The following NDNF variants were observed in gnomAD, a reference collection of about 807,000 sequenced individuals.
The protein encoded by NDNF is neuron derived neurotrophic factor.
A neutral mutation model predicts 42.0 loss-of-function variants in NDNF; 16 were observed. That is an observed-to-expected ratio of 0.38 (90% CI 0.26 to 0.58). NDNF has a LOEUF of 0.58. NDNF is among the 20% of genes least tolerant of loss of function. The pLI, the probability that NDNF is intolerant of heterozygous loss-of-function variation, is 0.67. For missense variants in NDNF, 616 were observed against 666.2 expected (o/e 0.92, Z 0.83); for synonymous variants, 248 against 251.7 (o/e 0.99, Z 0.14).
chr4:121,046,538 T>C (rs1294598041), intron 1 of NDNF, among the ~76,000 whole-genome samples: 2 of 152,232 alleles, frequency 1.3e-5, no homozygotes, highest in Non-Finnish European at 1.5e-5. Context: ...GAGTTATTAG[T>C]TGATGTTTAG....
At chr4:121,055,079 C>T (rs1419932824) in intron 1 of NDNF, among the ~76,000 whole-genome samples, 1 of 152,060 alleles carries the variant, frequency 6.6e-6, no homozygotes, top group Non-Finnish European at 1.5e-5. Context: ...GGTGATCCTT[C>T]CGTCTTGGCC....
chr4:121,062,051 T>G (rs1322179818), intron 1 of NDNF, among the ~76,000 whole-genome samples: 1 of 152,240 alleles, frequency 6.6e-6, no homozygotes, highest in African/African-American at 2.4e-5. Context: ...TTGCAACATT[T>G]TATTCGGCAG....
Position 121,036,176 on chromosome 4 carries a change from T to C in NDNF, c.*88A>G. 9.4e-7 allele frequency: 1 copy of C among 1,065,138 alleles called. No individual in the cohort carries two copies. Among genetic ancestry groups the C allele is most frequent in the East Asian group, 2.4e-5 (1 of 42,204 alleles). The allele number at this position is 1,065,138 out of a possible 1,614,324, so 66.0% of individuals were successfully genotyped here. A position where few individuals can be genotyped will look rare whatever the true frequency, so the allele number is the denominator to read the frequency against. On this transcript the variant is annotated 3_prime_UTR_variant, in exon 4 of 4. Transcript: ENST00000379692. ...TAGTACAAGTACAGGTCACAACTTCTCTCAACTGTGGGAGTAGTCAGTTTA... is the reference window on the plus strand; with the variant it reads ...TAGTACAAGTACAGGTCACAACTTCCCTCAACTGTGGGAGTAGTCAGTTTA...
At chr4:121,045,219 G>A (rs1485941936) in intron 2 of NDNF, among the ~76,000 whole-genome samples, 2 of 152,098 alleles carry the variant, frequency 1.3e-5, no homozygotes, top group African/African-American at 4.8e-5. Context: ...AGGCGTGGTG[G>A]AGGACGCCTG....
rs74933821 is a variant in NDNF, at chr4:121,062,517, C to T, written c.-2+9476G>A. On this transcript the variant is annotated intron_variant, in intron 1 of 3. Transcript: ENST00000379692. ...AAAAGGCAAACAACACAGACAGATCCCACAGTCATTTTCAATAGTTTATAG... is the reference window on the plus strand; with the variant it reads ...AAAAGGCAAACAACACAGACAGATCTCACAGTCATTTTCAATAGTTTATAG... 2.0e-3 allele frequency among the ~76,000 whole-genome samples: 308 copies of T among 152,130 alleles called. 2 individuals carry two copies. The highest frequency in any genetic ancestry group is 7.1e-3 in the African/African-American group (294 of 41,484).
Position 121,036,543 on chromosome 4 carries a change from G to C in NDNF, c.1428C>G (p.Asn476Lys). Residue 476 changes from asparagine (N) to lysine (K), a missense_variant, in exon 4 of 4, where the codon AAC becomes AAG. Transcript: ENST00000379692. The part of the protein sequence containing the change: ...TVAWLGTQER[N>K]KFCIYKKEVD... ...CTTCTTTTTTGTAGATGCAAAACTT[G>C]TTCCTTTCCTGAGTGCCTAGCCAAG... The C allele has an allele frequency of 6.2e-7, 1 of 1,614,114 alleles. No individual in the cohort carries two copies.
intron 1 of NDNF, among the ~76,000 whole-genome samples, chr4:121,052,427 A>G (rs1426410278): frequency 6.6e-6 from 1 of 152,264 alleles, no homozygotes; most frequent in East Asian, 1.9e-4. Flanking sequence ...GTGCATGATT[A>G]TAATTTGGCG....
At chr4:121,047,949 C>A (rs1268814267) in intron 1 of NDNF, among the ~76,000 whole-genome samples, 2 of 152,180 alleles carry the variant, frequency 1.3e-5, no homozygotes, top group African/African-American at 4.8e-5. Context: ...CTGGATGGAT[C>A]AAAATCAAGA....
chr4:121,039,868 G>A lies in NDNF; in HGVS notation c.313+62C>T, dbSNP rs1044297343. 14 of 1,555,970 alleles carry A rather than the reference G, an allele frequency of 9.0e-6. No homozygotes were observed. The African/African-American group carries it at 1.7e-4, about 18-fold the overall frequency. ...CTTACTAACACATAGAAGGTTGTAT[G>A]TTTCACAAGCATTAAAACCATCCAT... On this transcript the variant is annotated intron_variant, in intron 3 of 3. Coordinates refer to ENST00000379692, the MANE Select transcript of NDNF (RefSeq NM_024574.4).
intron 1 of NDNF, among the ~76,000 whole-genome samples, chr4:121,064,452 A>C (rs1224189345): frequency 6.6e-6 from 1 of 152,238 alleles, no homozygotes; most frequent in Non-Finnish European, 1.5e-5. Flanking sequence ...AAAACTTCAA[A>C]ATATAACACA....
chr4:121,046,299 T>C (rs1727091158), intron 1 of NDNF, among the ~76,000 whole-genome samples: 1 of 152,212 alleles, frequency 6.6e-6, no homozygotes, highest in African/African-American at 2.4e-5. Context: ...CTGATATGGT[T>C]GAACTATTAC....
At chr4:121,055,817 ACACACG>A (rs1393621816) in intron 1 of NDNF, among the ~76,000 whole-genome samples, 21 of 152,218 alleles carry the variant, frequency 1.4e-4, no homozygotes, top group African/African-American at 5.1e-4. Context: ...ATACACACAC[ACACACG>A]CACCCCAGAA....
At chr4:121,060,276 G>C (rs1171451971) in intron 1 of NDNF, among the ~76,000 whole-genome samples, 1 of 151,840 alleles carries the variant, frequency 6.6e-6, no homozygotes, top group African/African-American at 2.4e-5. Context: ...GACCTCCCAG[G>C]CTCCAGCAAT....
intron 1 of NDNF, among the ~76,000 whole-genome samples, chr4:121,067,125 A>G (rs1049355130): frequency 2.0e-5 from 3 of 152,358 alleles, no homozygotes; most frequent in East Asian, 3.9e-4. Context: ...TTGATTCCCA[A>G]TCACGCGTAA....
chr4:121,040,059 G>A lies in NDNF; in HGVS notation c.189-5C>T. 6.2e-7 allele frequency: 1 copy of A among 1,612,554 alleles called. No individual in the cohort carries two copies. The highest frequency in any genetic ancestry group is 8.5e-7 in the Non-Finnish European group (1 of 1,179,426). On this transcript the variant is annotated splice_polypyrimidine_tract_variant and splice_region_variant and intron_variant, in intron 2 of 3. Transcript: ENST00000379692. ...TCTTCAACCACAAAGAAATACCTGT[G>A]GGAAAGTGGACCACTTTAGACCGTG...
chr4:121,060,045 C>A (rs1334703311), intron 1 of NDNF, among the ~76,000 whole-genome samples: 1 of 152,090 alleles, frequency 6.6e-6, no homozygotes, highest in African/African-American at 2.4e-5. Context: ...TCACTGACTA[C>A]CAAGTTTTAA....
At chr4:121,052,812 C>G (rs548292587) in intron 1 of NDNF, among the ~76,000 whole-genome samples, 1 of 152,190 alleles carries the variant, frequency 6.6e-6, no homozygotes, top group East Asian at 1.9e-4. Context: ...CTTTTGCAAA[C>G]AATGAAAATG....
chr4:121,068,118 G>A (rs1420741048), intron 1 of NDNF, among the ~76,000 whole-genome samples: 2 of 152,152 alleles, frequency 1.3e-5, no homozygotes, highest in Non-Finnish European at 2.9e-5. Flanking sequence ...TAAAGTATTA[G>A]CATTCTTGTT....
chr4:121,045,990 A>G (rs909022192), intron 1 of NDNF, among the ~76,000 whole-genome samples, 152 bp from the exon 2 acceptor site: 1 of 152,242 alleles, frequency 6.6e-6, no homozygotes, highest in African/African-American at 2.4e-5. Context: ...CTTCAAGGCA[A>G]CTTTACTATA....
Sources: allele counts gnomAD v4.1 joint callset (sites outside exome capture counted in the v4.1 genomes callset), GRCh38; gene constraint gnomAD v4.1.1; transcripts MANE v1.5; gene names NCBI Gene and HGNC (gene_info 2026-07-23, HGNC 2026-07-21).